POM121: variants seen among roughly 807,000 people sequenced by gnomAD.
The protein encoded by POM121 is nuclear envelope pore membrane protein POM 121.
Under a neutral mutation model 81.3 loss-of-function variants are expected in POM121, and 32 were observed. That is an observed-to-expected ratio of 0.39 (90% CI 0.30 to 0.53). POM121 has a LOEUF of 0.53. Ranked by LOEUF, POM121 falls within the 20% of genes least tolerant of loss-of-function variation. POM121 has a pLI of 0.66. For missense variants in POM121, 1,138 were observed against 1,614.6 expected, an observed-to-expected ratio of 0.70 and a Z score of 5.06; for synonymous variants, 514 against 694.2, an observed-to-expected ratio of 0.74 and a Z score of 4.08.
chr7:72,892,390 A>G (rs1351533584), intron 3 of POM121, among the ~76,000 whole-genome samples: 1 of 152,078 alleles, frequency 6.6e-6, no homozygotes. Flanking sequence ...AATTCTGTCT[A>G]CCTTCCTCAC....
chr7:72,923,985 G>T (rs1795097440), upstream of POM121, among the ~76,000 whole-genome samples: 2 of 146,662 alleles, frequency 1.4e-5, no homozygotes, highest in Admixed American at 6.9e-5. Flanking sequence ...TCGGTCTGTC[G>T]CCCAGGTTGG....
intron 5 of POM121, among the ~76,000 whole-genome samples, chr7:72,934,674 A>G (rs2530505): frequency 2.2e-4 from 33 of 152,186 alleles, no homozygotes; most frequent in African/African-American, 5.1e-4. Flanking sequence ...GTGAGGTTGG[A>G]ATCAAAATTA....
upstream of POM121, among the ~76,000 whole-genome samples, chr7:72,923,686 G>A (rs1586141705): frequency 8.3e-6 from 1 of 119,822 alleles, no homozygotes; most frequent in East Asian, 2.8e-4. Flanking sequence ...TGCAAGCTCC[G>A]CCTCCCGGGT....
intron 3 of POM121, among the ~76,000 whole-genome samples, chr7:72,892,647 TCCTC>T (rs1161796228): frequency 6.6e-6 from 1 of 150,418 alleles, no homozygotes; most frequent in African/African-American, 2.4e-5. Flanking sequence ...CTCCCTCCCT[TCCTC>T]CCTCCCTCCC....
chr7:72,914,451 G>A (rs1213010066), intron 4 of POM121, among the ~76,000 whole-genome samples: 1 of 151,200 alleles, frequency 6.6e-6, no homozygotes, highest in Non-Finnish European at 1.5e-5. Flanking sequence ...AACTGAAACA[G>A]ACTTCACTTC....
upstream of POM121, chr7:72,925,053 C>T (rs1586145001): frequency 1.5e-6 from 2 of 1,352,430 alleles, no homozygotes; most frequent in East Asian, 3.1e-5. Flanking sequence ...GTAGAGGGCG[C>T]GCGATGACGC....
At chr7:72,897,828 C>G (rs1295368503) in intron 3 of POM121, among the ~76,000 whole-genome samples, 1 of 152,092 alleles carries the variant, frequency 6.6e-6, no homozygotes, top group Non-Finnish European at 1.5e-5. Context: ...CAAGGCTAGC[C>G]TGGGAAACAT....
intron 10 of POM121, 32 bp from the exon 11 acceptor site, chr7:72,941,805 T>C: frequency 6.5e-7 from 1 of 1,531,356 alleles, no homozygotes; most frequent in Non-Finnish European, 8.9e-7. Flanking sequence ...GAAGTGTTTA[T>C]TCCAATTTCA....
intron 4 of POM121, among the ~76,000 whole-genome samples, chr7:72,928,751 C>G (rs1164448631): frequency 3.3e-5 from 5 of 152,138 alleles, no homozygotes; most frequent in Admixed American, 6.5e-5. Context: ...AAAGTTTGTG[C>G]AGTGGATAAA....
At chr7:72,895,126 C>T (rs1416275965) in intron 3 of POM121, among the ~76,000 whole-genome samples, 1 of 152,214 alleles carries the variant, frequency 6.6e-6, no homozygotes, top group Non-Finnish European at 1.5e-5. Context: ...CAGCACCCGG[C>T]CTGTCTGTTC....
At chr7:72,930,156 G>C (rs1226352200) in intron 5 of POM121, 45 bp downstream of exon 5, 2 of 1,565,814 alleles carry the variant, frequency 1.3e-6, no homozygotes, top group Admixed American at 3.6e-5. Flanking sequence ...AATTCCCAGC[G>C]TTCATTCATT....
intron 3 of POM121, among the ~76,000 whole-genome samples, chr7:72,901,217 T>G (rs1456432453): frequency 6.6e-6 from 1 of 151,544 alleles, no homozygotes; most frequent in East Asian, 1.9e-4. Context: ...TTTCTTTTTT[T>G]CTTTTTTTTT....
intron 1 of POM121, among the ~76,000 whole-genome samples, chr7:72,881,575 A>C (rs561049290): frequency 6.6e-6 from 1 of 151,410 alleles, no homozygotes; most frequent in African/African-American, 2.4e-5. Context: ...GCTTGTGTAT[A>C]TGTTCCTCAA....
intron 1 of POM121, chr7:72,879,999 A>T (rs1486254829): frequency 5.3e-6 from 2 of 379,144 alleles, no homozygotes; most frequent in Non-Finnish European, 1.0e-5. Context: ...CCGGAGAGAC[A>T]TGTGTTGGGT....
intron 5 of POM121, among the ~76,000 whole-genome samples, chr7:72,931,385 A>G (rs1796004211): frequency 1.3e-5 from 2 of 152,200 alleles, no homozygotes; most frequent in African/African-American, 4.8e-5. Flanking sequence ...TGTAGAGACT[A>G]CAGTCTAAGT....
intron 3 of POM121, among the ~76,000 whole-genome samples, chr7:72,907,107 T>C (rs547969247): frequency 1.8e-4 from 28 of 152,330 alleles, no homozygotes; most frequent in Non-Finnish European, 3.7e-4. Flanking sequence ...TTTCTTAGTA[T>C]GCCATTTAAC....
chr7:72,922,561 T>G (rs1554496156), upstream of POM121, among the ~76,000 whole-genome samples: 3 of 151,834 alleles, frequency 2.0e-5, no homozygotes, highest in Non-Finnish European at 1.5e-5. Flanking sequence ...TTTGTGTTTT[T>G]TTTTTTTTTA....
intron 1 of POM121, among the ~76,000 whole-genome samples, chr7:72,887,823 A>G (rs1790884556): frequency 6.6e-6 from 1 of 152,176 alleles, no homozygotes; most frequent in Admixed American, 6.5e-5. Context: ...GCGAGACTTC[A>G]TCTCAAAAAA....
intron 5 of POM121, among the ~76,000 whole-genome samples, chr7:72,933,372 A>G (rs1484243365): frequency 2.6e-5 from 4 of 151,972 alleles, no homozygotes; most frequent in Non-Finnish European, 5.9e-5. Flanking sequence ...AAGGTATCTA[A>G]TTTTTGTCTC....
Sources: allele counts gnomAD v4.1 joint callset (sites outside exome capture counted in the v4.1 genomes callset), GRCh38; gene constraint gnomAD v4.1.1; transcripts MANE v1.5; gene names NCBI Gene and HGNC (gene_info 2026-07-23, HGNC 2026-07-21).